The following CDIN1 variants were observed in gnomAD, a reference collection of about 807,000 sequenced individuals.
CDIN1 encodes CDAN1 interacting nuclease 1.
A neutral mutation model predicts 45.3 loss-of-function variants in CDIN1; 33 were observed. The ratio of observed to expected loss-of-function variants is 0.73; its 90% confidence interval spans 0.55 to 0.97. The LOEUF (loss-of-function observed/expected upper bound fraction) is 0.97, where lower values mean the gene tolerates loss of function less well. CDIN1 is among the 50% of genes least tolerant of loss of function. The pLI, the probability that CDIN1 is intolerant of heterozygous loss-of-function variation, is 0.00. For missense variants in CDIN1, 303 were observed against 339.4 expected (o/e 0.89, Z 0.84); for synonymous variants, 118 against 124.4 (o/e 0.95, Z 0.34).
intron 10 of CDIN1, among the ~76,000 whole-genome samples, chr15:36,777,706 G>T (rs1488332412): frequency 2.6e-5 from 4 of 152,118 alleles, no homozygotes; most frequent in Non-Finnish European, 4.4e-5. Flanking sequence ...CGCCTCCCAG[G>T]CTCAAGCAAT....
chr15:36,692,777 A>G (rs980757117), intron 7 of CDIN1, among the ~76,000 whole-genome samples: 5 of 152,218 alleles, frequency 3.3e-5, no homozygotes, highest in African/African-American at 1.2e-4. Context: ...ACTTTTCATT[A>G]AAGACATTGA....
chr15:36,587,819 G>A (rs1268850659), intron 1 of CDIN1, among the ~76,000 whole-genome samples: 3 of 152,138 alleles, frequency 2.0e-5, no homozygotes, highest in Non-Finnish European at 4.4e-5. Flanking sequence ...CCGACGGCTA[G>A]GAAGTAGAGG....
rs1273008251 is a variant in CDIN1 at position 36,585,070 on chromosome 15, T to G, written c.101+5109T>G. 2.6e-5 allele frequency among the ~76,000 whole-genome samples: 4 copies of G among 152,336 alleles called. No homozygotes were observed. The East Asian group carries it at 7.7e-4, about 29-fold the overall frequency. On this transcript the variant is annotated intron_variant, in intron 1 of 10. Transcript: ENST00000566621. ...CCCTGGTCCAATCAGCTGTTACTTATAAGGTTATATTTTACATTATAATTT... is the reference window on the plus strand; with the variant it reads ...CCCTGGTCCAATCAGCTGTTACTTAGAAGGTTATATTTTACATTATAATTT...
chr15:36,707,301 G>C (rs1357711456), intron 8 of CDIN1: 1 of 152,110 alleles, frequency 6.6e-6, no homozygotes, highest in Non-Finnish European at 1.5e-5. Flanking sequence ...GAGGGAGGGA[G>C]AAAGAGAGAC....
At chr15:36,712,712 C>T (rs1034418461) in intron 10 of CDIN1, among the ~76,000 whole-genome samples, 6 of 152,202 alleles carry the variant, frequency 3.9e-5, no homozygotes, top group Admixed American at 2.0e-4. Flanking sequence ...TTAAATTTTA[C>T]AATGTAGTCA....
chr15:36,790,497 G>A (rs918142873), intron 10 of CDIN1: 3 of 152,184 alleles, frequency 2.0e-5, no homozygotes, highest in East Asian at 3.8e-4. Flanking sequence ...ACAATGTATT[G>A]TATATTTTAA....
intron 1 of CDIN1, among the ~76,000 whole-genome samples, chr15:36,626,131 T>C (rs1027945082): frequency 8.6e-5 from 13 of 151,418 alleles, no homozygotes; most frequent in African/African-American, 3.1e-4. Context: ...AAATATTATG[T>C]GATATATATA....
chr15:36,661,284 A>G (rs897291448), intron 5 of CDIN1, among the ~76,000 whole-genome samples: 2 of 152,208 alleles, frequency 1.3e-5, no homozygotes, highest in African/African-American at 2.4e-5. Flanking sequence ...CAGGAGATAA[A>G]GAGCTCTTCA....
chr15:36,702,745 CATT>C (rs1364427493), intron 8 of CDIN1, among the ~76,000 whole-genome samples: 1 of 152,096 alleles, frequency 6.6e-6, no homozygotes, highest in Non-Finnish European at 1.5e-5. Flanking sequence ...AAAACAATAT[CATT>C]AATATCTTTT....
intron 1 of CDIN1, among the ~76,000 whole-genome samples, chr15:36,590,073 A>G (rs1189011776): frequency 6.6e-6 from 1 of 152,212 alleles, no homozygotes; most frequent in Non-Finnish European, 1.5e-5. Flanking sequence ...CCTTCATGCC[A>G]AGGAACAGTG....
intron 1 of CDIN1, among the ~76,000 whole-genome samples, chr15:36,597,375 C>A (rs2037887102): frequency 6.6e-6 from 1 of 152,158 alleles, no homozygotes; most frequent in African/African-American, 2.4e-5. Context: ...TGATACACAA[C>A]CTCTCTACCA....
At chr15:36,581,171 C>T (rs903336213) in intron 1 of CDIN1, among the ~76,000 whole-genome samples, 10 of 152,180 alleles carry the variant, frequency 6.6e-5, no homozygotes, top group Admixed American at 3.3e-4. Flanking sequence ...CAGTTCTGCA[C>T]ATGAACAGTG....
chr15:36,604,994 A>G (rs912958482), intron 1 of CDIN1, among the ~76,000 whole-genome samples: 1 of 152,204 alleles, frequency 6.6e-6, no homozygotes, highest in African/African-American at 2.4e-5. Flanking sequence ...ATTAAAAAAG[A>G]AAGGAAAGAC....
In CDIN1 at chr15:36,800,749, C is replaced by G. The variant is rs11855876; in HGVS notation, c.717-7575C>G. Among the ~76,000 whole-genome samples, 1,199 of 149,058 alleles carry G rather than the reference C, an allele frequency of 8.0e-3. 14 individuals are homozygous for G. Among genetic ancestry groups the G allele is most frequent in the African/African-American group, 0.027 (1,088 of 40,688 alleles). ...AGTCTTTTTTTGATGGTGAAACAAT[C>G]GACTTCCAACAGCCACATGTCTGCA... On this transcript the variant is annotated intron_variant, in intron 10 of 10. Coordinates refer to ENST00000566621, the MANE Select transcript of CDIN1 (RefSeq NM_001321759.2).
chr15:36,774,339 T>G (rs530786816), intron 10 of CDIN1, among the ~76,000 whole-genome samples: 1 of 152,134 alleles, frequency 6.6e-6, no homozygotes, highest in Non-Finnish European at 1.5e-5. Context: ...GGTTGTTTTT[T>G]TCCCCCAATT....
intron 10 of CDIN1, among the ~76,000 whole-genome samples, chr15:36,800,907 G>GTGTA (rs1555410920): frequency 6.3e-5 from 2 of 31,616 alleles, no homozygotes; most frequent in Non-Finnish European, 1.3e-4. Flanking sequence ...GTGTGTGTGT[G>GTGTA]TGTATATATA....
intron 1 of CDIN1, among the ~76,000 whole-genome samples, chr15:36,629,784 G>A (rs1237326546): frequency 1.3e-5 from 2 of 152,108 alleles, no homozygotes; most frequent in East Asian, 3.9e-4. Context: ...GGAGAGGCGG[G>A]TGCTTCTAGG....
Position 36,775,476 on chromosome 15 carries a change from C to T in CDIN1, c.717-32848C>T, listed in dbSNP as rs141747634. Among the ~76,000 whole-genome samples the T allele has an allele frequency of 6.6e-4, 100 of 152,298 alleles. 1 individual carries two copies. In the Middle Eastern group the frequency reaches 0.01, roughly 16 times the overall value. ...GTCTACATCTTGGTTAGATCTTACC[C>T]GTGTGGAAACCAGAAGCCTGGGTCA... is the stretch of plus-strand genomic sequence containing the variant. On this transcript the variant is annotated intron_variant, in intron 10 of 10. Coordinates refer to ENST00000566621, the MANE Select transcript of CDIN1 (RefSeq NM_001321759.2).
At chr15:36,758,939 T>A (rs1193846161) in intron 10 of CDIN1, among the ~76,000 whole-genome samples, 1 of 152,152 alleles carries the variant, frequency 6.6e-6, no homozygotes, top group African/African-American at 2.4e-5. Flanking sequence ...TAGAAACCCA[T>A]CCAGAAAAAT....
Sources: allele counts gnomAD v4.1 joint callset (sites outside exome capture counted in the v4.1 genomes callset), GRCh38; gene constraint gnomAD v4.1.1; transcripts MANE v1.5; gene names NCBI Gene and HGNC (gene_info 2026-07-23, HGNC 2026-07-21).